DBET: variants seen among roughly 807,000 people sequenced by gnomAD.
The protein encoded by DBET is D4Z4 binding element transcript.
At chr4:190,065,063 C>G (rs555634033) in exon 1 of DBET, 10 of 443,840 alleles carry the variant, frequency 2.3e-5, no homozygotes, top group Non-Finnish European at 1.2e-5. Flanking sequence ...CAAAATCCTC[C>G]CAGAATCTTG....
chr4:190,065,089 T>C (rs1186517138), exon 1 of DBET: 4 of 460,452 alleles, frequency 8.7e-6, no homozygotes, highest in South Asian at 2.6e-5. Context: ...ACATAAATGA[T>C]CTGACTAGTT....
exon 1 of DBET, chr4:190,065,446 G>A (rs1579772874): frequency 2.9e-6 from 1 of 344,428 alleles, no homozygotes; most frequent in East Asian, 3.9e-5. Context: ...AAGCCGGGAG[G>A]ACCGGGACCC....
In DBET at chr4:190,065,031, A is replaced by C. The variant is rs1290215461; in HGVS notation, n.530A>C. ...CTTTTTCTCTCCCTCCCAGAATCTT[A>C]AAGTGCATTCGAACTCACAGGCAAA... On this transcript the variant is annotated non_coding_transcript_exon_variant, in exon 1 of 1. Coordinates refer to ENST00000630918, the Ensembl canonical transcript of DBET. 2.6e-5 allele frequency: 11 copies of C among 427,692 alleles called. 1 individual carries two copies. The highest frequency in any genetic ancestry group is 3.5e-5 in the East Asian group (1 of 28,268). 26.5% of individuals were successfully genotyped at this position (427,692 alleles called of 1,614,324 possible).
In DBET at chr4:190,065,065, A is replaced by T. The variant is rs1553971429; in HGVS notation, n.564A>T. 4 of 444,980 alleles carry T rather than the reference A, an allele frequency of 9.0e-6. 1 individual carries two copies. Among genetic ancestry groups the T allele is most frequent in the African/African-American group, 5.5e-5 (2 of 36,220 alleles). 27.6% of individuals were successfully genotyped at this position (444,980 alleles called of 1,614,324 possible). A position where few individuals can be genotyped will look rare whatever the true frequency, so the allele number is the denominator to read the frequency against. On this transcript the variant is annotated non_coding_transcript_exon_variant, in exon 1 of 1. Transcript: ENST00000630918. ...TCGAACTCACAGGCAAAATCCTCCC[A>T]GAATCTTGTGAGAACATAAATGATC... is the stretch of plus-strand genomic sequence containing the variant.
exon 1 of DBET, chr4:190,065,324 A>G (rs368113690): frequency 0.36 from 145,186 of 399,858 alleles, 22,920 homozygotes; most frequent in African/African-American, 0.49. Flanking sequence ...GGCAGAGGGG[A>G]TCTCCCAACC....
In DBET at chr4:190,065,159, C is replaced by T; in HGVS notation, n.658C>T. ...CACACTTCTGGAGACCCTTGTCATG[C>T]CATTATTTATAAATCTATTGTGCCT... On this transcript the variant is annotated non_coding_transcript_exon_variant, in exon 1 of 1. Coordinates refer to ENST00000630918, the Ensembl canonical transcript of DBET. 3 of 497,384 alleles carry T rather than the reference C, an allele frequency of 6.0e-6. 1 individual carries two copies. The highest frequency in any genetic ancestry group is 7.2e-6 in the Non-Finnish European group (2 of 278,660). 30.8% of individuals were successfully genotyped at this position (497,384 alleles called of 1,614,324 possible).
chr4:190,065,133 G>A lies in DBET; in HGVS notation n.632G>A, dbSNP rs1391772585. 1.3e-5 allele frequency: 6 copies of A among 466,952 alleles called. 1 individual carries two copies. Among genetic ancestry groups the A allele is most frequent in the Non-Finnish European group, 2.3e-5 (6 of 264,420 alleles). The allele number at this position is 466,952 out of a possible 1,614,324, so 28.9% of individuals were successfully genotyped here. A position where few individuals can be genotyped will look rare whatever the true frequency, so the allele number is the denominator to read the frequency against. ...CTTTTGGGGATCTGGGAAAATCTGT[G>A]CACACTTCTGGAGACCCTTGTCATG... On this transcript the variant is annotated non_coding_transcript_exon_variant, in exon 1 of 1. Coordinates refer to ENST00000630918, the Ensembl canonical transcript of DBET.
chr4:190,065,220 T>A, exon 1 of DBET: 2 of 577,432 alleles, frequency 3.5e-6, no homozygotes, highest in Non-Finnish European at 6.2e-6. Context: ...TGGGGAGACA[T>A]TGGGATGCGC....
chr4:190,065,024 G>A, exon 1 of DBET: 1 of 421,138 alleles, frequency 2.4e-6, no homozygotes, highest in Non-Finnish European at 4.2e-6. Flanking sequence ...CTCCCTCCCA[G>A]AATCTTAAAG....
chr4:190,066,606 GAGGCAGGGAGGC>G (rs1177098336), exon 1 of DBET: 1 of 1,286 alleles, frequency 7.8e-4, no homozygotes, highest in African/African-American at 2.6e-3. Context: ...CGTTAGGAGG[GAGGCAGGGAGGC>G]AGGGAGGCAG....
chr4:190,064,562 C>G lies in DBET; in HGVS notation n.61C>G, dbSNP rs1740563163. ...TGTAGCAAACACTCATCTTTCTTCT[C>G]AGCAGACACAAACTGTCATCTATAT... On this transcript the variant is annotated non_coding_transcript_exon_variant, in exon 1 of 1. Coordinates refer to ENST00000630918, the Ensembl canonical transcript of DBET. The G allele has an allele frequency of 3.6e-5, 5 of 139,488 alleles. No homozygotes were observed. In the South Asian group the frequency reaches 1.1e-3, roughly 30 times the overall value. 8.6% of individuals were successfully genotyped at this position (139,488 alleles called of 1,614,324 possible). A position where few individuals can be genotyped will look rare whatever the true frequency, so the allele number is the denominator to read the frequency against.
chr4:190,065,004 G>C (rs1483305881), exon 1 of DBET: 2 of 409,410 alleles, frequency 4.9e-6, no homozygotes, highest in African/African-American at 5.8e-5. Flanking sequence ...AATCCCCTAA[G>C]GCTTTTTCTC....
chr4:190,065,105 T>A, exon 1 of DBET: 1 of 463,644 alleles, frequency 2.2e-6, no homozygotes, highest in South Asian at 2.5e-5. Context: ...TAGTTTGGCA[T>A]TGCTTTTGGG....
chr4:190,064,531 T>C (rs1740562292), exon 1 of DBET: 1 of 137,568 alleles, frequency 7.3e-6, no homozygotes, highest in Non-Finnish European at 1.5e-5. Flanking sequence ...GCAGTTTCAC[T>C]AGTGCTGTAG....
At position 190,064,984 on chromosome 4, in the gene DBET, T is replaced by C. The variant is rs1343710404; in HGVS notation, n.483T>C. Reference sequence around the variant, plus strand: ...GGAACATTTCCTGTCTTATGCTTATTCTACTCTGCAATCCCCTAAGGCTTT... The same window carrying C: ...GGAACATTTCCTGTCTTATGCTTATCCTACTCTGCAATCCCCTAAGGCTTT... On this transcript the variant is annotated non_coding_transcript_exon_variant, in exon 1 of 1. Transcript: ENST00000630918. 5 of 363,858 alleles carry C rather than the reference T, an allele frequency of 1.4e-5. 1 individual carries two copies. In the Admixed American group the frequency reaches 2.6e-4, roughly 19 times the overall value. 22.5% of individuals were successfully genotyped at this position (363,858 alleles called of 1,614,324 possible). A position where few individuals can be genotyped will look rare whatever the true frequency, so the allele number is the denominator to read the frequency against.
At chr4:190,067,649 C>CCCCCCCCCA (rs1740733257) in exon 1 of DBET, 1 of 124,330 alleles carries the variant, frequency 8.0e-6, no homozygotes, top group African/African-American at 5.0e-5. Context: ...CCCCCCCCCC[C>CCCCCCCCCA]CCCCCCCCCA....
chr4:190,064,764 T>C (rs376657091), exon 1 of DBET: 1 of 131,524 alleles, frequency 7.6e-6, no homozygotes, highest in East Asian at 1.9e-4. Flanking sequence ...GGTGAAAAAA[T>C]AAACTGCAGT....
At chr4:190,067,855 G>GGA (rs1740752831) in exon 1 of DBET, 1 of 391,676 alleles carries the variant, frequency 2.6e-6, no homozygotes, top group African/African-American at 2.6e-5. Flanking sequence ...GCAGTGCACA[G>GGA]TCCGGCTGAG....
exon 1 of DBET, chr4:190,065,311 G>T (rs1169301620): frequency 3.9e-5 from 19 of 482,584 alleles, no homozygotes; most frequent in Non-Finnish European, 6.3e-5. Flanking sequence ...GCCAGGCCGC[G>T]CCGGCAGAGG....
Sources: allele counts gnomAD v4.1 joint callset, GRCh38; gene constraint gnomAD v4.1.1; transcripts MANE v1.5; gene names NCBI Gene and HGNC (gene_info 2026-07-23, HGNC 2026-07-21).